The following F7 variants were observed in gnomAD, a reference collection of about 807,000 sequenced individuals.
F7 encodes FVII coagulation protein.
F7 carries 38 observed loss-of-function variants against 47.5 expected under a neutral mutation model. The observed-to-expected ratio is 0.80, with a 90% CI of 0.62 to 1.05. F7 has a LOEUF of 1.05. Ranked by LOEUF, F7 falls within the 50% of genes least tolerant of loss-of-function variation. F7 has a pLI of 0.00. For missense variants in F7, 575 were observed against 605.4 expected, an observed-to-expected ratio of 0.95 and a Z score of 0.53; for synonymous variants, 244 against 258.5, an observed-to-expected ratio of 0.94 and a Z score of 0.54.
chr13:113,119,151 A>G lies in F7; in HGVS notation c.*143A>G, dbSNP rs1005410027. 5.8e-6 allele frequency: 4 copies of G among 692,508 alleles called. No individual in the cohort carries two copies. In the Admixed American group the frequency reaches 9.0e-5, roughly 16 times the overall value. 42.9% of individuals were successfully genotyped at this position (692,508 alleles called of 1,614,324 possible). On this transcript the variant is annotated 3_prime_UTR_variant, in exon 8 of 8. Transcript: ENST00000346342. Reference sequence around the variant, plus strand: ...GGTGGGGAGGGAGACAGAGACAGAAACAGAGAGAGACAGAGACAGAGAGAG... The same window carrying G: ...GGTGGGGAGGGAGACAGAGACAGAAGCAGAGAGAGACAGAGACAGAGAGAG...
rs2036139794 is a variant in F7 at position 113,113,410 on chromosome 13, C to G, written c.226-342C>G. Among the ~76,000 whole-genome samples, 1 of 152,236 alleles carries G rather than the reference C, an allele frequency of 6.6e-6. No individual in the cohort carries two copies. Among genetic ancestry groups the G allele is most frequent in the Non-Finnish European group, 1.5e-5 (1 of 68,036 alleles). ...TTTTGCATCTGCTACTGCACCCTCT[C>G]CCCGTATGTGTGGCCACCCTGTCAG... On this transcript the variant is annotated intron_variant, in intron 2 of 7. Transcript: ENST00000346342. This position sits in a 1 kb window ranked among gnomAD's most constrained non-coding sequence, Gnocchi z 4.1.
chr13:113,110,744 A>T lies in F7; in HGVS notation c.119A>T (p.Asn40Ile), dbSNP rs1275033181. Reference sequence around the variant, plus strand: ...GTCCTGCACCGGCGCCGGCGCGCCAACGCGTTCCTGGAGGAGCTGCGGCCG... The same window carrying T: ...GTCCTGCACCGGCGCCGGCGCGCCATCGCGTTCCTGGAGGAGCTGCGGCCG... ...HGVLHRRRRA[N>I]AFLEELRPGS... The change falls in exon 2 of 8, where the codon AAC becomes ATC. Residue 40 changes from asparagine (N) to isoleucine (I), a missense_variant. By Grantham distance (149) the Asn-to-Ile change is moderately radical. Coordinates refer to ENST00000346342, the MANE Select transcript of F7 (RefSeq NM_019616.4). 2 of 1,548,870 alleles carry T rather than the reference A, an allele frequency of 1.3e-6. No homozygotes were observed. Among genetic ancestry groups the T allele is most frequent in the Admixed American group, 3.9e-5 (2 of 51,000 alleles).
rs932564995 is a variant in F7, at chr13:113,119,492, G to A, written c.*484G>A. On this transcript the variant is annotated 3_prime_UTR_variant, in exon 8 of 8. Coordinates refer to ENST00000346342, the MANE Select transcript of F7 (RefSeq NM_019616.4). ...ACACACGCCAATGCACACACACAGA[G>A]ATATGCACACACACGGATGCACACA... 1 of 194,324 alleles carries A rather than the reference G, an allele frequency of 5.1e-6. No homozygotes were observed. The highest frequency in any genetic ancestry group is 2.4e-5 in the African/African-American group (1 of 42,498). 12.0% of individuals were successfully genotyped at this position (194,324 alleles called of 1,614,324 possible). A position where few individuals can be genotyped will look rare whatever the true frequency, so the allele number is the denominator to read the frequency against.
Position 113,118,693 on chromosome 13 carries a change from GC to G in F7, c.1024del (p.Arg342GlyfsTer2). 6.2e-7 allele frequency: 1 copy of G among 1,612,914 alleles called. No individual in the cohort carries two copies. On this transcript the variant is annotated frameshift_variant, in exon 8 of 8. Coordinates refer to ENST00000346342, the MANE Select transcript of F7 (RefSeq NM_019616.4). LOFTEE classifies it high-confidence loss of function. ...CCCTGGAGCTCATGGTCCTCAACGT[GC>G]CCCGGCTGATGACCCAGGACTGCCT... ...TALELMVLNVPRLMTQDCLQQ... is the reference protein window; with the variant it reads ...TALELMVLNVXRLMTQDCLQQ...
chr13:113,109,366 C>T (rs577639378), intron 1 of F7, among the ~76,000 whole-genome samples: 1 of 152,166 alleles, frequency 6.6e-6, no homozygotes, highest in East Asian at 1.9e-4. Flanking sequence ...TTCCCACCTC[C>T]TTGAGCCCGA....
chr13:113,119,213 C>A lies in F7; in HGVS notation c.*205C>A. 1.7e-6 allele frequency: 1 copy of A among 599,086 alleles called. No homozygotes were observed. 37.1% of individuals were successfully genotyped at this position (599,086 alleles called of 1,614,324 possible). A position where few individuals can be genotyped will look rare whatever the true frequency, so the allele number is the denominator to read the frequency against. On this transcript the variant is annotated 3_prime_UTR_variant, in exon 8 of 8. Coordinates refer to ENST00000346342, the MANE Select transcript of F7 (RefSeq NM_019616.4). ...GACTCTGAGGACATGGAGAGAGACT[C>A]AAAGAGACTCCAAGATTCAAAGAGA...
intron 6 of F7, 45 bp downstream of exon 6, chr13:113,116,920 G>A: frequency 6.8e-7 from 1 of 1,461,056 alleles, no homozygotes; most frequent in East Asian, 2.3e-5. Flanking sequence ...TGAGGGTCTT[G>A]AAGCCTTTTG....
chr13:113,110,585 G>C, intron 1 of F7, 105 bp from the exon 2 acceptor site: 1 of 1,479,924 alleles, frequency 6.8e-7, no homozygotes. Flanking sequence ...CCTCCTCCAG[G>C]ACGGGCGGGA....
rs757716645 is a variant in F7 at position 113,113,477 on chromosome 13, TC to T, written c.226-273del. Among the ~76,000 whole-genome samples, 4 of 152,174 alleles carry T rather than the reference TC, an allele frequency of 2.6e-5. No individual in the cohort carries two copies. Among genetic ancestry groups the T allele is most frequent in the Non-Finnish European group, 4.4e-5 (3 of 68,028 alleles). Reference sequence around the variant, plus strand: ...CAGAGCCTGTGTACCTCGTCCCAGGTCCACAGCTCAGCGACAGAAGAGTCAG... The same window carrying T: ...CAGAGCCTGTGTACCTCGTCCCAGGTCACAGCTCAGCGACAGAAGAGTCAG... On this transcript the variant is annotated intron_variant, in intron 2 of 7. Transcript: ENST00000346342. This position sits in a 1 kb window ranked among gnomAD's most constrained non-coding sequence, Gnocchi z 4.1.
At chr13:113,106,238 A>C (rs1038226977) in intron 1 of F7, among the ~76,000 whole-genome samples, 1 of 118,596 alleles carries the variant, frequency 8.4e-6, no homozygotes, top group Non-Finnish European at 1.7e-5. Context: ...AAGTGCGCAC[A>C]GGGTGCTCCC....
Position 113,118,646 on chromosome 13 carries a change from C to G in F7, c.973C>G (p.Leu325Val). 6.2e-7 allele frequency: 1 copy of G among 1,612,738 alleles called. No individual in the cohort carries two copies. Among genetic ancestry groups the G allele is most frequent in the Non-Finnish European group, 8.5e-7 (1 of 1,179,910 alleles). The stretch of plus-strand genomic sequence containing the variant: ...CTCATTGGTCAGCGGCTGGGGCCAG[C>G]TGCTGGACCGTGGCGCCACGGCCCT... Reference protein sequence around the residue: ...RFSLVSGWGQLLDRGATALEL... With the variant: ...RFSLVSGWGQVLDRGATALEL... Residue 325 changes from leucine (L) to valine (V), a missense_variant, in exon 8 of 8, where the codon CTG (leucine) becomes GTG (valine). Coordinates refer to ENST00000346342, the MANE Select transcript of F7 (RefSeq NM_019616.4).
chr13:113,116,778 G>A lies in F7; in HGVS notation c.518G>A (p.Cys173Tyr), dbSNP rs2036200003. Residue 173 changes from cysteine (C) to tyrosine (Y), a missense_variant, in exon 6 of 8, where the codon TGT (cysteine) becomes TAT (tyrosine). Transcript: ENST00000346342. ...VSCTPTVEYP[C>Y]GKIPILEKRN... Reference sequence around the variant, plus strand: ...TTGTTTTACACAGTTGAATATCCATGTGGAAAAATACCTATTCTAGAAAAA... The same window carrying A: ...TTGTTTTACACAGTTGAATATCCATATGGAAAAATACCTATTCTAGAAAAA... 1 of 1,613,294 alleles carries A rather than the reference G, an allele frequency of 6.2e-7. No homozygotes were observed. Among genetic ancestry groups the A allele is most frequent in the Admixed American group, 1.7e-5 (1 of 60,030 alleles).
Position 113,110,728 on chromosome 13 carries a change from C to T in F7, c.103C>T (p.Arg35Trp), listed in dbSNP as rs886049987. The T allele has an allele frequency of 4.5e-6, 7 of 1,548,824 alleles. No homozygotes were observed. Among genetic ancestry groups the T allele is most frequent in the African/African-American group, 1.4e-5 (1 of 73,110 alleles). Residue 35 changes from arginine to tryptophan, a missense_variant, in exon 2 of 8, where the codon CGG becomes TGG. Transcript: ENST00000346342. The part of the protein sequence containing the change: ...TQEEAHGVLH[R>W]RRRANAFLEE... ...GGAGGAAGCCCACGGCGTCCTGCAC[C>T]GGCGCCGGCGCGCCAACGCGTTCCT...
At chr13:113,111,065 C>T (rs769895207) in intron 2 of F7, among the ~76,000 whole-genome samples, 3 of 152,180 alleles carry the variant, frequency 2.0e-5, no homozygotes, top group Non-Finnish European at 4.4e-5. Flanking sequence ...TCTCCCCGTG[C>T]GGCCGCACCG....
chr13:113,109,050 G>A (rs1595070209), intron 1 of F7, among the ~76,000 whole-genome samples: 1 of 37,830 alleles, frequency 2.6e-5, no homozygotes, highest in East Asian at 1.5e-3. Context: ...CGGGAGTGTG[G>A]GTGTTCCGGA....
In F7 at chr13:113,113,662, C is replaced by G. The variant is rs1334741207; in HGVS notation, c.226-90C>G. On this transcript the variant is annotated intron_variant, in intron 2 of 7. Transcript: ENST00000346342. This position sits in a 1 kb window ranked among gnomAD's most constrained non-coding sequence, Gnocchi z 4.1. ...CCCCGCCAGACCCAGGTCCAAGTCC[C>G]CCAACCCCAGTTCATGGTGTGTCCA... The G allele has an allele frequency of 7.2e-7, 1 of 1,383,960 alleles. No homozygotes were observed. Among genetic ancestry groups the G allele is most frequent in the Non-Finnish European group, 1.0e-6 (1 of 972,002 alleles). 85.7% of individuals were successfully genotyped at this position (1,383,960 alleles called of 1,614,324 possible). A position where few individuals can be genotyped will look rare whatever the true frequency, so the allele number is the denominator to read the frequency against.
At position 113,107,287 on chromosome 13, in the gene F7, C is replaced by CGGG. The variant is rs2035981331; in HGVS notation, c.64+1382_64+1383insGGG. Among the ~76,000 whole-genome samples, 21 of 72,166 alleles carry CGGG rather than the reference C, an allele frequency of 2.9e-4. 7 individuals are homozygous for CGGG. The highest frequency in any genetic ancestry group is 1.0e-3 in the East Asian group (3 of 2,964). 47.3% of individuals were successfully genotyped at this position (72,166 alleles called of 152,430 possible). On this transcript the variant is annotated intron_variant, in intron 1 of 7. Coordinates refer to ENST00000346342, the MANE Select transcript of F7 (RefSeq NM_019616.4). ...GGGTGTCCCGGGGGCGTGGGTGTCC[C>CGGG]AGGAGTGTGGGTGTCCCGGGGGCGT...
chr13:113,106,019 G>C (rs1433636717), intron 1 of F7, 114 bp downstream of exon 1: 1 of 904,406 alleles, frequency 1.1e-6, no homozygotes, highest in African/African-American at 1.7e-5. Flanking sequence ...CATCCACCAG[G>C]AGGGTTTTCT....
In F7 at chr13:113,119,704, G is replaced by A. The variant is rs1349686708; in HGVS notation, c.*696G>A. ...GCACACACAGATATGCACACACATG[G>A]ATGAGCACACACACACCAATGCGCA... On this transcript the variant is annotated 3_prime_UTR_variant, in exon 8 of 8. Transcript: ENST00000346342. 6.5e-6 allele frequency: 1 copy of A among 152,990 alleles called. No individual in the cohort carries two copies. Among genetic ancestry groups the A allele is most frequent in the Non-Finnish European group, 1.4e-5 (1 of 69,178 alleles). The allele number at this position is 152,990 out of a possible 1,614,324, so 9.5% of individuals were successfully genotyped here.
Sources: gnomAD v4.1 joint callset for allele counts (sites outside exome capture counted in the v4.1 genomes callset) on GRCh38, gnomAD v4.1.1 for gene constraint, Gnocchi (gnomAD v3.1) non-coding constraint, MANE v1.5 for transcripts, NCBI Gene and HGNC (gene_info 2026-07-23, HGNC 2026-07-21) for gene names.